The following C2CD2 variants were observed in gnomAD, a reference collection of about 807,000 sequenced individuals.
The protein encoded by C2CD2 is C2 domain-containing protein 2.
Under a neutral mutation model 74.3 loss-of-function variants are expected in C2CD2, and 43 were observed. The observed-to-expected ratio is 0.58, with a 90% CI of 0.45 to 0.75. C2CD2 has a LOEUF of 0.75. C2CD2 is among the 30% of genes least tolerant of loss of function. C2CD2 has a pLI of 0.00. For missense variants in C2CD2, 801 were observed against 916.3 expected (o/e 0.87, Z 1.63); for synonymous variants, 422 against 390.7 (o/e 1.08, Z -0.94).
chr21:41,953,319 C>T lies in C2CD2; in HGVS notation c.279+51G>A, dbSNP rs574965423. 2.2e-4 allele frequency: 288 copies of T among 1,286,918 alleles called. 5 individuals carry two copies. In the East Asian group the frequency reaches 8.2e-3, roughly 37 times the overall value. The allele number at this position is 1,286,918 out of a possible 1,614,324, so 79.7% of individuals were successfully genotyped here. A position where few individuals can be genotyped will look rare whatever the true frequency, so the allele number is the denominator to read the frequency against. On this transcript the variant is annotated intron_variant, in intron 1 of 13. Coordinates refer to ENST00000380486, the MANE Select transcript of C2CD2 (RefSeq NM_015500.2). ...CCTCCAGGAAAGACCTCGGCCCGGACCGCCCGCCCCGGCATCTGCCGCCCC... is the reference window on the plus strand; with the variant it reads ...CCTCCAGGAAAGACCTCGGCCCGGATCGCCCGCCCCGGCATCTGCCGCCCC...
At chr21:41,942,494 G>A (rs1262886253) in intron 1 of C2CD2, among the ~76,000 whole-genome samples, 3 of 152,162 alleles carry the variant, frequency 2.0e-5, no homozygotes, top group Non-Finnish European at 4.4e-5. Context: ...CAGGAACCCG[G>A]GAGTAAACCT....
intron 2 of C2CD2, among the ~76,000 whole-genome samples, chr21:41,928,821 G>A (rs2065239303): frequency 6.6e-6 from 1 of 152,184 alleles, no homozygotes; most frequent in Non-Finnish European, 1.5e-5. Context: ...TAAGGTTCTG[G>A]GGGAAATTCC....
chr21:41,921,387 T>G (rs1400169097), intron 3 of C2CD2, among the ~76,000 whole-genome samples: 7 of 152,248 alleles, frequency 4.6e-5, no homozygotes, highest in African/African-American at 1.7e-4. Context: ...AACCAAAGTC[T>G]CACTGGGCTT....
At position 41,945,795 on chromosome 21, in the gene C2CD2, A is replaced by G. The variant is rs146663506; in HGVS notation, c.280-3550T>C. ...TCTTCCCTCTCCTGCCGCCTTATGA[A>G]GAAGGTGACGGCTTTCCCTACCATC... On this transcript the variant is annotated intron_variant, in intron 1 of 13. Coordinates refer to ENST00000380486, the MANE Select transcript of C2CD2 (RefSeq NM_015500.2). This position sits in a 1 kb window ranked among gnomAD's most constrained non-coding sequence, Gnocchi z 4.2. 8.5e-4 allele frequency among the ~76,000 whole-genome samples: 129 copies of G among 152,226 alleles called. No homozygotes were observed. Among genetic ancestry groups the G allele is most frequent in the African/African-American group, 2.9e-3 (122 of 41,538 alleles).
chr21:41,952,935 G>C (rs906951683), intron 1 of C2CD2: 1 of 167,408 alleles, frequency 6.0e-6, no homozygotes, highest in Admixed American at 6.4e-5. Flanking sequence ...AGTCTTTGGA[G>C]ATAAATTCTT....
chr21:41,922,570 G>T (rs1179848831), intron 2 of C2CD2, among the ~76,000 whole-genome samples: 1 of 151,876 alleles, frequency 6.6e-6, no homozygotes, highest in East Asian at 1.9e-4. Flanking sequence ...CGCCTCCCTG[G>T]TTCAAGTGAT....
rs2064766855 is a variant in C2CD2, at chr21:41,892,525, A to G, written c.1871-3181T>C. ...TAGAACCCAGGCAGCAACATGGAGG[A>G]GTGGAGGCGGAGAGGACAGTGAAGC... On this transcript the variant is annotated intron_variant, in intron 13 of 13. Coordinates refer to ENST00000380486, the MANE Select transcript of C2CD2 (RefSeq NM_015500.2). The surrounding 1 kb of genome is among the most constrained non-coding windows in gnomAD (Gnocchi z 4.6). Among the ~76,000 whole-genome samples, 1 of 152,142 alleles carries G rather than the reference A, an allele frequency of 6.6e-6. No individual in the cohort carries two copies. The highest frequency in any genetic ancestry group is 1.9e-4 in the East Asian group (1 of 5,196).
chr21:41,906,633 G>A (rs1043552105), intron 10 of C2CD2, among the ~76,000 whole-genome samples: 2 of 152,170 alleles, frequency 1.3e-5, no homozygotes, highest in African/African-American at 4.8e-5. Flanking sequence ...CCAAAGTGCT[G>A]GGATTACAGG....
At chr21:41,919,632 T>A (rs2065133833) in intron 3 of C2CD2, among the ~76,000 whole-genome samples, 1 of 152,324 alleles carries the variant, frequency 6.6e-6, no homozygotes, top group Admixed American at 6.5e-5. Flanking sequence ...TGGGCTCCCC[T>A]GCCCCACACT....
chr21:41,922,631 T>C (rs980841036), intron 2 of C2CD2, among the ~76,000 whole-genome samples: 4 of 151,820 alleles, frequency 2.6e-5, no homozygotes, highest in Admixed American at 6.6e-5. Flanking sequence ...TGTGCCACCA[T>C]GGCCAGCAAA....
rs952119573 is a variant in C2CD2 at position 41,953,679 on chromosome 21, TCCCCGGCAG to T, written c.-40_-32del. 10 of 1,373,672 alleles carry T rather than the reference TCCCCGGCAG, an allele frequency of 7.3e-6. No individual in the cohort carries two copies. The highest frequency in any genetic ancestry group is 1.5e-5 in the African/African-American group (1 of 65,674). The allele number at this position is 1,373,672 out of a possible 1,614,324, so 85.1% of individuals were successfully genotyped here. A position where few individuals can be genotyped will look rare whatever the true frequency, so the allele number is the denominator to read the frequency against. On this transcript the variant is annotated 5_prime_UTR_variant, in exon 1 of 14. Transcript: ENST00000380486. ...ATCCCCGGCCCGCCTCGCCCCAACT[TCCCCGGCAG>T]CCCCGGGCCGGAACGGCGGACTCAG...
chr21:41,946,365 G>A (rs2065397615), intron 1 of C2CD2, among the ~76,000 whole-genome samples: 1 of 152,144 alleles, frequency 6.6e-6, no homozygotes, highest in South Asian at 2.1e-4. Flanking sequence ...GGAGGTGACT[G>A]GATCACGGTG....
intron 5 of C2CD2, among the ~76,000 whole-genome samples, chr21:41,916,617 A>G (rs769704623): frequency 6.6e-6 from 1 of 150,492 alleles, no homozygotes; most frequent in Non-Finnish European, 1.5e-5. Context: ...CAGCTTACCA[A>G]ATGCAGATCT....
chr21:41,953,348 G>A (rs2065466261), intron 1 of C2CD2, 22 bp downstream of exon 1: 1 of 1,387,772 alleles, frequency 7.2e-7, no homozygotes, highest in Non-Finnish European at 9.4e-7. Context: ...CCGCCCCCCG[G>A]CCCGCAGTCC....
chr21:41,900,712 ACT>A (rs2064884891), intron 12 of C2CD2, among the ~76,000 whole-genome samples: 1 of 149,884 alleles, frequency 6.7e-6, no homozygotes, highest in African/African-American at 2.5e-5. Flanking sequence ...CCACCCACCC[ACT>A]CTTTTGTCCA....
At chr21:41,915,700 A>T (rs2065082232) in intron 5 of C2CD2, among the ~76,000 whole-genome samples, 1 of 152,054 alleles carries the variant, frequency 6.6e-6, no homozygotes, top group African/African-American at 2.4e-5. Flanking sequence ...TCAGCCTCCC[A>T]AAGTGCTGGG....
chr21:41,930,700 TCAAAA>T (rs1231318217), intron 2 of C2CD2, among the ~76,000 whole-genome samples: 22 of 143,368 alleles, frequency 1.5e-4, no homozygotes, highest in African/African-American at 5.5e-4. Context: ...AGATTCTGTC[TCAAAA>T]CAAAACAAAA....
At chr21:41,913,335 T>C (rs984008156) in intron 6 of C2CD2, among the ~76,000 whole-genome samples, 5 of 152,240 alleles carry the variant, frequency 3.3e-5, no homozygotes, top group Admixed American at 2.0e-4. Flanking sequence ...GAATCAGTAA[T>C]TGCTGGAATG....
At chr21:41,915,018 G>A (rs1436278649) in intron 5 of C2CD2, among the ~76,000 whole-genome samples, 1 of 149,862 alleles carries the variant, frequency 6.7e-6, no homozygotes, top group Non-Finnish European at 1.5e-5. Context: ...TACTTACCAC[G>A]GGGGAAGATG....
Sources: gnomAD v4.1 joint callset for allele counts (sites outside exome capture counted in the v4.1 genomes callset) on GRCh38, gnomAD v4.1.1 for gene constraint, Gnocchi (gnomAD v3.1) non-coding constraint, MANE v1.5 for transcripts, NCBI Gene and HGNC (gene_info 2026-07-23, HGNC 2026-07-21) for gene names.